The following CAP2 variants were observed in gnomAD, a reference collection of about 807,000 sequenced individuals.
CAP2 encodes the protein cyclase associated actin cytoskeleton regulatory protein 2, also known as adenylyl cyclase-associated protein 2.
CAP2 carries 24 observed loss-of-function variants against 57.7 expected under a neutral mutation model. That is an observed-to-expected ratio of 0.42 (90% CI 0.30 to 0.58). The LOEUF (loss-of-function observed/expected upper bound fraction) is 0.58, where lower values mean the gene tolerates loss of function less well. Ranked by LOEUF, CAP2 falls within the 20% of genes least tolerant of loss-of-function variation. CAP2 has a pLI of 0.22. For synonymous variants in CAP2, 194 were observed against 207.2 expected, an observed-to-expected ratio of 0.94 and a Z score of 0.55; for missense variants, 501 against 590.3, an observed-to-expected ratio of 0.85 and a Z score of 1.57.
chr6:17,543,712 C>G lies in CAP2; in HGVS notation c.1209+569C>G, dbSNP rs140712394. Among the ~76,000 whole-genome samples, 86 of 152,030 alleles carry G rather than the reference C, an allele frequency of 5.7e-4. 1 individual carries two copies. The East Asian group carries it at 0.015, about 27-fold the overall frequency. On this transcript the variant is annotated intron_variant, in intron 11 of 12. Transcript: ENST00000229922. ...ATTCTTGTTCCCTCTGGACACAGCT[C>G]TATCATCACCTCCTTGGTAGACCCC...
At chr6:17,480,343 C>T (rs1472673409) in intron 4 of CAP2, among the ~76,000 whole-genome samples, 1 of 152,176 alleles carries the variant, frequency 6.6e-6, no homozygotes, top group East Asian at 1.9e-4. Flanking sequence ...AAATGTCCAT[C>T]CTTCTCTTCC....
chr6:17,509,451 G>T (rs1195532713), intron 6 of CAP2, among the ~76,000 whole-genome samples: 1 of 152,136 alleles, frequency 6.6e-6, no homozygotes, highest in Non-Finnish European at 1.5e-5. Context: ...GCTGAGACAG[G>T]TGGATCACTT....
intron 6 of CAP2, among the ~76,000 whole-genome samples, chr6:17,509,254 A>G (rs1261009487): frequency 6.6e-6 from 1 of 152,162 alleles, no homozygotes; most frequent in Non-Finnish European, 1.5e-5. Context: ...AGATTTTTTT[A>G]TTTTTAAAAA....
At chr6:17,519,173 A>G (rs1180829745) in intron 7 of CAP2, among the ~76,000 whole-genome samples, 10 of 152,144 alleles carry the variant, frequency 6.6e-5, no homozygotes, top group Non-Finnish European at 5.9e-5. Context: ...CTACAAAATC[A>G]TCCTTCCCTG....
chr6:17,463,573 C>T (rs549577296), intron 4 of CAP2, among the ~76,000 whole-genome samples: 2 of 152,270 alleles, frequency 1.3e-5, no homozygotes, highest in South Asian at 2.1e-4. Flanking sequence ...TCCTAAGTAG[C>T]GTAGATGGGC....
At chr6:17,432,993 G>A (rs976112706) in intron 3 of CAP2, among the ~76,000 whole-genome samples, 10 of 106,896 alleles carry the variant, frequency 9.4e-5, no homozygotes, top group Non-Finnish European at 1.2e-4. Context: ...CCTTCCATCC[G>A]TCCATCTATC....
chr6:17,433,064 G>C (rs1000806802), intron 3 of CAP2, among the ~76,000 whole-genome samples: 1 of 151,294 alleles, frequency 6.6e-6, no homozygotes, highest in Non-Finnish European at 1.5e-5. Context: ...TGATGTGCGT[G>C]GTGTGTTAAA....
At chr6:17,539,246 T>A in intron 7 of CAP2, 23 bp from the exon 8 acceptor site, 1 of 1,590,122 alleles carries the variant, frequency 6.3e-7, no homozygotes, top group Non-Finnish European at 8.6e-7. Flanking sequence ...TGCAATGCAA[T>A]GCCCTGTCTT....
chr6:17,496,029 G>GCGGT (rs1554127011), intron 4 of CAP2, among the ~76,000 whole-genome samples: 7 of 125,748 alleles, frequency 5.6e-5, no homozygotes, highest in Non-Finnish European at 1.0e-4. Flanking sequence ...TGTGTGGGTG[G>GCGGT]GGGGGGGGGG....
chr6:17,534,306 G>C (rs1264904470), intron 7 of CAP2, among the ~76,000 whole-genome samples: 2 of 152,188 alleles, frequency 1.3e-5, no homozygotes, highest in Non-Finnish European at 2.9e-5. Context: ...CTCTTATTTG[G>C]TGTCTTTGTT....
chr6:17,397,172 G>A (rs982975815), intron 1 of CAP2, among the ~76,000 whole-genome samples: 4 of 152,126 alleles, frequency 2.6e-5, no homozygotes, highest in South Asian at 2.1e-4. Flanking sequence ...AGATGCTCCC[G>A]CCTCAGCCTC....
intron 7 of CAP2, 58 bp downstream of exon 7, chr6:17,514,012 C>T: frequency 9.8e-7 from 1 of 1,017,028 alleles, no homozygotes; most frequent in East Asian, 2.4e-5. Flanking sequence ...TATATACACC[C>T]TGTGGCCCAG....
chr6:17,405,013 T>C (rs181017448), intron 1 of CAP2, among the ~76,000 whole-genome samples: 1 of 152,158 alleles, frequency 6.6e-6, no homozygotes, highest in Admixed American at 6.5e-5. Flanking sequence ...GACCCCCTGT[T>C]GATGCCTGAA....
intron 2 of CAP2, among the ~76,000 whole-genome samples, chr6:17,423,867 A>T (rs1465052487): frequency 6.6e-6 from 1 of 152,226 alleles, no homozygotes; most frequent in Non-Finnish European, 1.5e-5. Context: ...GTAATTTACT[A>T]TCCTACTTGA....
intron 4 of CAP2, among the ~76,000 whole-genome samples, chr6:17,468,886 C>A (rs754800749): frequency 3.3e-5 from 5 of 152,198 alleles, no homozygotes; most frequent in Non-Finnish European, 7.3e-5. Context: ...AGACCTGGAC[C>A]CATTCCTTTA....
intron 1 of CAP2, among the ~76,000 whole-genome samples, chr6:17,408,118 T>A (rs2113512773): frequency 6.6e-6 from 1 of 152,340 alleles, no homozygotes; most frequent in Non-Finnish European, 1.5e-5. Context: ...TTAGTATTGC[T>A]ATAAAGGATA....
At chr6:17,423,596 G>A (rs1759501227) in intron 2 of CAP2, among the ~76,000 whole-genome samples, 1 of 151,644 alleles carries the variant, frequency 6.6e-6, no homozygotes, top group Non-Finnish European at 1.5e-5. Context: ...TCTAACTACC[G>A]GGAGACTATA....
intron 4 of CAP2, among the ~76,000 whole-genome samples, chr6:17,468,533 T>C (rs1320115903): frequency 1.3e-5 from 2 of 152,226 alleles, no homozygotes; most frequent in Non-Finnish European, 2.9e-5. Context: ...ACCTTTCTCA[T>C]TGATTTATTA....
At chr6:17,545,870 A>T (rs1191921955) in intron 11 of CAP2, among the ~76,000 whole-genome samples, 2 of 152,108 alleles carry the variant, frequency 1.3e-5, no homozygotes, top group Non-Finnish European at 2.9e-5. Context: ...AAGGACATGA[A>T]CTCATCCTTT....
Sources: allele counts gnomAD v4.1 joint callset (sites outside exome capture counted in the v4.1 genomes callset), GRCh38; gene constraint gnomAD v4.1.1; transcripts MANE v1.5; gene names NCBI Gene and HGNC (gene_info 2026-07-23, HGNC 2026-07-21).